The following CTNND2 variants were observed in gnomAD, a reference collection of about 807,000 sequenced individuals.
The protein encoded by CTNND2 is catenin delta 2.
A neutral mutation model predicts 144.4 loss-of-function variants in CTNND2; 22 were observed. That is an observed-to-expected ratio of 0.15 (90% CI 0.11 to 0.22). The LOEUF is 0.22. Ranked by LOEUF, CTNND2 falls within the 10% of genes least tolerant of loss-of-function variation. The pLI, the probability that CTNND2 is intolerant of heterozygous loss-of-function variation, is 1.00. For synonymous variants in CTNND2, 751 were observed against 695.6 expected, an observed-to-expected ratio of 1.08 and a Z score of -1.25; for missense variants, 1,353 against 1,618.8, an observed-to-expected ratio of 0.84 and a Z score of 2.82.
intron 9 of CTNND2, among the ~76,000 whole-genome samples, chr5:11,299,105 G>C (rs574100020): frequency 6.6e-6 from 1 of 152,112 alleles, no homozygotes; most frequent in Non-Finnish European, 1.5e-5. Context: ...AAATGATAGT[G>C]ACGCATATCA....
At chr5:11,586,695 T>A (rs1185719942) in intron 2 of CTNND2, among the ~76,000 whole-genome samples, 5 of 152,200 alleles carry the variant, frequency 3.3e-5, no homozygotes, top group Admixed American at 3.3e-4. Context: ...TTTTCTTAAT[T>A]GTGTGGATAA....
chr5:11,443,248 GTGTGC>G lies in CTNND2; in HGVS notation c.288-31184_288-31180del, dbSNP rs1764458016. On this transcript the variant is annotated intron_variant, in intron 3 of 21. Coordinates refer to ENST00000304623, the MANE Select transcript of CTNND2 (RefSeq NM_001332.4). ...GTATGTGTGTGTGATGTGTGTGTGT[GTGTGC>G]TGTGTGTGGTGTGTGTGTGGTATGT... 5.8e-5 allele frequency among the ~76,000 whole-genome samples: 7 copies of G among 121,562 alleles called. No homozygotes were observed. In the South Asian group the frequency reaches 1.1e-3, roughly 19 times the overall value. 79.7% of individuals were successfully genotyped at this position (121,562 alleles called of 152,430 possible).
At chr5:11,810,555 G>T (rs1792272239) in intron 1 of CTNND2, among the ~76,000 whole-genome samples, 1 of 152,106 alleles carries the variant, frequency 6.6e-6, no homozygotes, top group South Asian at 2.1e-4. Flanking sequence ...AATTAAAAAT[G>T]ATCACGTTTT....
chr5:11,406,909 C>G (rs1412853359), intron 5 of CTNND2, among the ~76,000 whole-genome samples: 1 of 151,860 alleles, frequency 6.6e-6, no homozygotes, highest in Non-Finnish European at 1.5e-5. Flanking sequence ...TAAAATATGA[C>G]AGAATTTCAA....
chr5:11,682,138 G>A (rs1222390636), intron 2 of CTNND2, among the ~76,000 whole-genome samples: 1 of 152,142 alleles, frequency 6.6e-6, no homozygotes, highest in African/African-American at 2.4e-5. Flanking sequence ...AATTATCTCT[G>A]GTTTCTACAA....
At chr5:11,688,448 G>C (rs1784755094) in intron 2 of CTNND2, among the ~76,000 whole-genome samples, 1 of 152,158 alleles carries the variant, frequency 6.6e-6, no homozygotes, top group Non-Finnish European at 1.5e-5. Flanking sequence ...ATAGTGATGG[G>C]AAATAAGCAT....
At chr5:11,653,070 C>CGTGT (rs58056553) in intron 2 of CTNND2, among the ~76,000 whole-genome samples, 3,933 of 143,520 alleles carry the variant, frequency 0.027, 101 homozygotes, top group East Asian at 0.12. Flanking sequence ...GAACAAAATT[C>CGTGT]GTGTGTGTGT....
intron 16 of CTNND2, among the ~76,000 whole-genome samples, chr5:11,066,695 T>C (rs1747651016): frequency 6.6e-6 from 1 of 152,142 alleles, no homozygotes. Context: ...TCTGCAGAGT[T>C]TGACTCTTTT....
chr5:11,566,552 C>A (rs531357987), intron 2 of CTNND2, among the ~76,000 whole-genome samples: 2 of 152,274 alleles, frequency 1.3e-5, no homozygotes, highest in East Asian at 1.9e-4. Flanking sequence ...GTTGATAACA[C>A]TTTTAAAAAC....
At chr5:11,637,468 A>T (rs1781771184) in intron 2 of CTNND2, among the ~76,000 whole-genome samples, 1 of 152,072 alleles carries the variant, frequency 6.6e-6, no homozygotes, top group Admixed American at 6.5e-5. Context: ...CCCTCCAATT[A>T]CTTCTACTGC....
At chr5:11,802,972 T>C (rs1369462394) in intron 1 of CTNND2, among the ~76,000 whole-genome samples, 2 of 152,168 alleles carry the variant, frequency 1.3e-5, no homozygotes, top group Non-Finnish European at 2.9e-5. Flanking sequence ...GAGAGGGGAA[T>C]ATTCTCAAAA....
intron 3 of CTNND2, among the ~76,000 whole-genome samples, chr5:11,500,089 C>G (rs530941108): frequency 1.2e-3 from 188 of 152,190 alleles, no homozygotes; most frequent in Admixed American, 3.0e-3. Context: ...ATGTTTCAAT[C>G]TGAATTTCCC....
intron 10 of CTNND2, among the ~76,000 whole-genome samples, chr5:11,220,029 G>A (rs1395929195): frequency 3.9e-5 from 6 of 152,086 alleles, no homozygotes; most frequent in South Asian, 2.1e-4. Flanking sequence ...GAAGGGAAGC[G>A]TTCTGCTCAA....
intron 1 of CTNND2, among the ~76,000 whole-genome samples, chr5:11,835,293 G>A (rs1794118055): frequency 6.6e-6 from 1 of 152,186 alleles, no homozygotes; most frequent in African/African-American, 2.4e-5. Context: ...GTCTGAGTTG[G>A]TATCAGGGTA....
chr5:11,734,485 G>T (rs1021908498), intron 1 of CTNND2, among the ~76,000 whole-genome samples: 1 of 152,170 alleles, frequency 6.6e-6, no homozygotes, highest in Non-Finnish European at 1.5e-5. Context: ...TGAAGTATTT[G>T]TTACATGTAT....
intron 9 of CTNND2, among the ~76,000 whole-genome samples, chr5:11,323,848 T>G (rs1415791380): frequency 6.6e-6 from 1 of 152,096 alleles, no homozygotes; most frequent in Non-Finnish European, 1.5e-5. Flanking sequence ...ATTAAGCAGA[T>G]GCCATCAGAA....
intron 3 of CTNND2, among the ~76,000 whole-genome samples, chr5:11,476,558 C>T (rs920885793): frequency 8.5e-5 from 13 of 152,246 alleles, no homozygotes; most frequent in Middle Eastern, 6.8e-3. Context: ...TACACTCACA[C>T]GCCTAACAAT....
At chr5:11,128,672 T>C (rs1754931808) in intron 12 of CTNND2, among the ~76,000 whole-genome samples, 1 of 132,044 alleles carries the variant, frequency 7.6e-6, no homozygotes, top group South Asian at 2.2e-4. Context: ...TCAAGAAGAG[T>C]TTTCTAGATA....
chr5:11,847,027 T>C (rs528889707), intron 1 of CTNND2, among the ~76,000 whole-genome samples: 8 of 150,972 alleles, frequency 5.3e-5, no homozygotes, highest in African/African-American at 7.3e-5. Flanking sequence ...GAAAACAGTA[T>C]GAAGGTTCCT....
Sources: gnomAD v4.1 joint callset for allele counts (sites outside exome capture counted in the v4.1 genomes callset) on GRCh38, gnomAD v4.1.1 for gene constraint, MANE v1.5 for transcripts, NCBI Gene and HGNC (gene_info 2026-07-23, HGNC 2026-07-21) for gene names.